The following SNX29 variants were observed in gnomAD, a reference collection of about 807,000 sequenced individuals.
The protein encoded by SNX29 is sorting nexin 29, also known as sorting nexin-29.
Under a neutral mutation model 102.1 loss-of-function variants are expected in SNX29, and 78 were observed. That is an observed-to-expected ratio of 0.76 (90% CI 0.64 to 0.92). SNX29 has a LOEUF of 0.92. SNX29 is among the 40% of genes least tolerant of loss of function. The pLI, the probability that SNX29 is intolerant of heterozygous loss-of-function variation, is 0.00. For synonymous variants in SNX29, 580 were observed against 414.5 expected (o/e 1.40, Z -4.85); for missense variants, 1,280 against 1,061.7 (o/e 1.21, Z -2.86).
intron 1 of SNX29, among the ~76,000 whole-genome samples, chr16:11,986,747 T>C (rs991435971): frequency 1.3e-5 from 2 of 152,226 alleles, no homozygotes; most frequent in Non-Finnish European, 2.9e-5. Context: ...AAGGGCCAGA[T>C]AGTAAATATT....
chr16:12,266,670 T>C (rs1394107657), intron 14 of SNX29, among the ~76,000 whole-genome samples: 1 of 131,774 alleles, frequency 7.6e-6, no homozygotes, highest in Non-Finnish European at 1.6e-5. Flanking sequence ...TCATCTGCAA[T>C]TCCCCATCTA....
At chr16:12,522,751 A>G (rs2090147566) in intron 19 of SNX29, among the ~76,000 whole-genome samples, 1 of 152,210 alleles carries the variant, frequency 6.6e-6, no homozygotes, top group African/African-American at 2.4e-5. Flanking sequence ...CTGCGAAACC[A>G]TGAGCCAGTT....
At chr16:12,541,780 C>A (rs1052750681) in intron 20 of SNX29, among the ~76,000 whole-genome samples, 2 of 152,138 alleles carry the variant, frequency 1.3e-5, no homozygotes, top group South Asian at 2.1e-4. Context: ...CGTTTCCAAC[C>A]CCCTGGAATG....
At chr16:12,261,553 T>C (rs2078763998) in intron 14 of SNX29, among the ~76,000 whole-genome samples, 1 of 125,186 alleles carries the variant, frequency 8.0e-6, no homozygotes. Context: ...GAGTAAGTGT[T>C]TGCTCTGAGC....
chr16:12,292,605 C>T (rs544688013), intron 15 of SNX29, among the ~76,000 whole-genome samples: 1 of 152,312 alleles, frequency 6.6e-6, no homozygotes, highest in African/African-American at 2.4e-5. Context: ...TTGTAAGGGG[C>T]ACTGCCAGAA....
intron 18 of SNX29, among the ~76,000 whole-genome samples, chr16:12,457,007 T>A (rs1235182813): frequency 6.6e-6 from 1 of 152,164 alleles, no homozygotes; most frequent in African/African-American, 2.4e-5. Flanking sequence ...ACTCGAGGCT[T>A]CCTTTGCCAT....
chr16:12,219,537 G>T (rs1270751248), intron 14 of SNX29, among the ~76,000 whole-genome samples: 1 of 152,190 alleles, frequency 6.6e-6, no homozygotes, highest in Admixed American at 6.5e-5. Context: ...GGCAGTTGTT[G>T]TGTAGAAAGG....
intron 19 of SNX29, among the ~76,000 whole-genome samples, chr16:12,501,537 C>T (rs577637680): frequency 3.3e-5 from 5 of 151,980 alleles, no homozygotes; most frequent in African/African-American, 7.2e-5. Context: ...GCCTGGCCAA[C>T]GTGAGGAAAC....
intron 20 of SNX29, among the ~76,000 whole-genome samples, chr16:12,541,545 C>G (rs1794310): frequency 0.12 from 18,484 of 151,874 alleles, 1,396 homozygotes; most frequent in Non-Finnish European, 0.16. Flanking sequence ...TGTTCATCAG[C>G]CTCCCTTTTC....
intron 14 of SNX29, among the ~76,000 whole-genome samples, chr16:12,253,935 A>T (rs895929600): frequency 6.6e-6 from 1 of 152,052 alleles, no homozygotes; most frequent in East Asian, 1.9e-4. Flanking sequence ...GAATGGTAAG[A>T]AGTGGCCTGC....
intron 9 of SNX29, among the ~76,000 whole-genome samples, chr16:12,065,260 C>G (rs191427576): frequency 6.6e-6 from 1 of 152,256 alleles, no homozygotes; most frequent in East Asian, 1.9e-4. Context: ...CGTGGTTCCT[C>G]TGGGAGTATG....
intron 20 of SNX29, among the ~76,000 whole-genome samples, chr16:12,541,009 C>G (rs1291961918): frequency 1.3e-5 from 2 of 152,150 alleles, no homozygotes; most frequent in Non-Finnish European, 2.9e-5. Flanking sequence ...CTGCGGGTTT[C>G]CTGGGACAGC....
intron 19 of SNX29, among the ~76,000 whole-genome samples, chr16:12,518,168 G>C (rs951470504): frequency 1.3e-5 from 2 of 152,144 alleles, no homozygotes; most frequent in South Asian, 2.1e-4. Context: ...ATGGAGTTTT[G>C]AGAGCTCTCT....
intron 6 of SNX29, among the ~76,000 whole-genome samples, chr16:12,047,234 T>C (rs1452027180): frequency 1.3e-5 from 2 of 152,176 alleles, no homozygotes; most frequent in Non-Finnish European, 2.9e-5. Context: ...CCTGGGTTGA[T>C]GTTAGTCGGT....
At chr16:12,236,200 A>C (rs926050711) in intron 14 of SNX29, among the ~76,000 whole-genome samples, 2 of 152,156 alleles carry the variant, frequency 1.3e-5, no homozygotes, top group African/African-American at 4.8e-5. Context: ...CCCAACAGTT[A>C]ATACATCATC....
At chr16:12,150,931 A>G (rs927523348) in intron 13 of SNX29, among the ~76,000 whole-genome samples, 10 of 152,224 alleles carry the variant, frequency 6.6e-5, no homozygotes, top group Non-Finnish European at 2.9e-5. Flanking sequence ...TCCAAAGTTC[A>G]TGGTTACTGG....
chr16:12,524,236 A>G (rs2090210008), intron 19 of SNX29, among the ~76,000 whole-genome samples: 1 of 152,098 alleles, frequency 6.6e-6, no homozygotes, highest in South Asian at 2.1e-4. Context: ...TTGTATTTCG[A>G]GAAACTCCCC....
At chr16:12,218,551 A>G (rs2077386772) in intron 14 of SNX29, among the ~76,000 whole-genome samples, 1 of 152,196 alleles carries the variant, frequency 6.6e-6, no homozygotes, top group African/African-American at 2.4e-5. Context: ...CAAAATATTT[A>G]CCATCTGGCC....
At chr16:12,197,813 C>T (rs1156641453) in intron 13 of SNX29, among the ~76,000 whole-genome samples, 2 of 151,384 alleles carry the variant, frequency 1.3e-5, no homozygotes, top group African/African-American at 4.9e-5. Context: ...GTCGAGTTCT[C>T]AGGTGATGCC....
Sources: gnomAD v4.1 joint callset for allele counts (sites outside exome capture counted in the v4.1 genomes callset) on GRCh38, gnomAD v4.1.1 for gene constraint, MANE v1.5 for transcripts, NCBI Gene and HGNC (gene_info 2026-07-23, HGNC 2026-07-21) for gene names.